Variants in COL5A2 observed in about 807,000 individuals in gnomAD.
COL5A2 encodes collagen type V alpha 2 chain.
A neutral mutation model predicts 208.2 loss-of-function variants in COL5A2; 23 were observed. The ratio of observed to expected loss-of-function variants is 0.11; its 90% CI spans 0.08 to 0.16. COL5A2 has a LOEUF of 0.16. COL5A2 is among the 10% of genes least tolerant of loss of function. The pLI is 1.00. For missense variants in COL5A2, 1,590 were observed against 1,956.4 expected (o/e 0.81, Z 3.53); for synonymous variants, 625 against 628.5 (o/e 0.99, Z 0.08).
chr2:189,097,564 C>T (rs1686947454), intron 5 of COL5A2: 2 of 667,474 alleles, frequency 3.0e-6, no homozygotes, highest in Non-Finnish European at 5.5e-6. Flanking sequence ...CACATTATGG[C>T]ATCATGGAGC....
chr2:189,049,556 T>C, intron 43 of COL5A2, 102 bp from the exon 44 acceptor site: 2 of 850,806 alleles, frequency 2.4e-6, no homozygotes. Flanking sequence ...GCTCCTTCTA[T>C]AATAATAATT....
chr2:189,249,179 T>C, the COL5A2 span, among the ~76,000 whole-genome samples: 5 of 152,304 alleles, frequency 3.3e-5, no homozygotes, highest in East Asian at 1.9e-4. Context: ...AAGATGGCTA[T>C]TGAAATTTCA....
At chr2:189,168,574 C>T (rs553638296) in intron 1 of COL5A2, among the ~76,000 whole-genome samples, 2 of 152,102 alleles carry the variant, frequency 1.3e-5, no homozygotes, top group Admixed American at 1.3e-4. Flanking sequence ...AAAATACTTC[C>T]AAACTAGCAT....
At chr2:189,357,847 G>A in the COL5A2 span, among the ~76,000 whole-genome samples, 1 of 151,640 alleles carries the variant, frequency 6.6e-6, no homozygotes, top group African/African-American at 2.4e-5. Flanking sequence ...CAGGACCCTG[G>A]TGGCATAGGC....
chr2:189,051,525 G>T, intron 41 of COL5A2, 44 bp from the exon 42 acceptor site: 1 of 1,566,338 alleles, frequency 6.4e-7, no homozygotes. Context: ...CAAAATGGAA[G>T]GCAAGTAAGA....
the COL5A2 span, among the ~76,000 whole-genome samples, chr2:189,413,685 T>G: frequency 2.0e-5 from 3 of 151,356 alleles, no homozygotes; most frequent in African/African-American, 7.3e-5. Flanking sequence ...GAAGTAGGAC[T>G]CAGATGTCCA....
chr2:189,432,134 G>A, the COL5A2 span, among the ~76,000 whole-genome samples: 6 of 152,128 alleles, frequency 3.9e-5, no homozygotes, highest in African/African-American at 1.2e-4. Context: ...ATCCTTTACC[G>A]ACAAGCAAAT....
At chr2:189,326,382 T>G in the COL5A2 span, among the ~76,000 whole-genome samples, 1 of 152,102 alleles carries the variant, frequency 6.6e-6, no homozygotes, top group Non-Finnish European at 1.5e-5. Context: ...TAAAACAGAC[T>G]TCTAAGATAT....
chr2:189,248,711 G>A, the COL5A2 span, among the ~76,000 whole-genome samples: 1 of 152,048 alleles, frequency 6.6e-6, no homozygotes, highest in Non-Finnish European at 1.5e-5. Context: ...TTATACTACA[G>A]CTTTCAAATT....
At chr2:189,354,107 G>A in the COL5A2 span, among the ~76,000 whole-genome samples, 1 of 152,162 alleles carries the variant, frequency 6.6e-6, no homozygotes. Context: ...TGTTGAACCA[G>A]CCTTGCATCC....
chr2:189,240,175 T>C, the COL5A2 span, among the ~76,000 whole-genome samples: 100 of 152,334 alleles, frequency 6.6e-4, 2 homozygotes, highest in East Asian at 0.015. Context: ...AATGCCTTAA[T>C]TGGGTCAGGC....
intron 22 of COL5A2, 26 bp from the exon 23 acceptor site, chr2:189,066,523 C>A: frequency 6.2e-7 from 1 of 1,605,258 alleles, no homozygotes; most frequent in Non-Finnish European, 8.5e-7. Flanking sequence ...GGACAGTTAC[C>A]AGAAAGACCC....
the COL5A2 span, among the ~76,000 whole-genome samples, chr2:189,363,144 T>C: frequency 6.6e-6 from 1 of 152,136 alleles, no homozygotes. Context: ...CTAACACCTT[T>C]CATTAACTTT....
the COL5A2 span, among the ~76,000 whole-genome samples, chr2:189,287,517 C>T: frequency 1.3e-4 from 20 of 152,096 alleles, no homozygotes; most frequent in Non-Finnish European, 2.6e-4. Context: ...CCACTATAAT[C>T]CCAGTCATCT....
chr2:189,179,462 C>A (rs202217353), intron 1 of COL5A2, 46 bp downstream of exon 1: 2 of 1,590,954 alleles, frequency 1.3e-6, no homozygotes, highest in Admixed American at 1.7e-5. Context: ...ACCTATTTCC[C>A]AAACCGTGCA....
the COL5A2 span, among the ~76,000 whole-genome samples, chr2:189,309,643 T>C: frequency 1.3e-5 from 2 of 152,180 alleles, no homozygotes; most frequent in African/African-American, 2.4e-5. Flanking sequence ...AAACTTTCAC[T>C]CCTGTTTTAA....
chr2:189,089,692 G>C (rs1447605034), intron 7 of COL5A2, among the ~76,000 whole-genome samples: 6 of 152,062 alleles, frequency 3.9e-5, no homozygotes, highest in South Asian at 4.2e-4. Flanking sequence ...GTGTCTCTGT[G>C]TCACACTTTG....
rs1354280302 is a variant in COL5A2, at chr2:189,039,550, T to C, written c.3647A>G (p.Glu1216Gly). 1 of 1,613,710 alleles carries C rather than the reference T, an allele frequency of 6.2e-7. No individual in the cohort carries two copies. Among genetic ancestry groups the C allele is most frequent in the African/African-American group, 1.3e-5 (1 of 75,034 alleles). Reference sequence around the variant, plus strand: ...ACCCGGAGGGCCAGGTGGGCCAGGCTCACCAGGAGGGCCCTAATTAAAAAG... The same window carrying C: ...ACCCGGAGGGCCAGGTGGGCCAGGCCCACCAGGAGGGCCCTAATTAAAAAG... ...GEAGPEGPPG[E>G]PGPPGPPGPP... Residue 1216 changes from glutamate (E) to glycine (G), a missense_variant, in exon 51 of 54, where the codon GAG becomes GGG. Glu to Gly is a moderately conservative substitution (Grantham distance 98, BLOSUM62 -2). Coordinates refer to ENST00000374866, the MANE Select transcript of COL5A2 (RefSeq NM_000393.5).
chr2:189,058,878 G>A lies in COL5A2; in HGVS notation c.2101C>T (p.Pro701Ser), dbSNP rs765785677. 2 of 1,609,076 alleles carry A rather than the reference G, an allele frequency of 1.2e-6. No individual in the cohort carries two copies. Among genetic ancestry groups the A allele is most frequent in the Non-Finnish European group, 1.7e-6 (2 of 1,178,820 alleles). ...KPGDQGVPGD[P>S]GAVGPLGPRG... ...GGTCCTAACGGGCCAACTGCTCCGG[G>A]ATCTCCAGGAACACCCTATAAACAC... The change falls in exon 32 of 54, where the codon CCC (proline) becomes TCC (serine). Residue 701 changes from proline to serine, a missense_variant. Physicochemically the swap from Pro to Ser is moderately conservative, Grantham distance 74. Coordinates refer to ENST00000374866, the MANE Select transcript of COL5A2 (RefSeq NM_000393.5).
Sources: gnomAD v4.1 joint callset for allele counts (sites outside exome capture counted in the v4.1 genomes callset) on GRCh38, gnomAD v4.1.1 for gene constraint, MANE v1.5 for transcripts, NCBI Gene and HGNC (gene_info 2026-07-23, HGNC 2026-07-21) for gene names.